PSD3: variants seen among roughly 807,000 people sequenced by gnomAD.
PSD3 encodes pleckstrin and Sec7 domain containing 3, also known as PH and SEC7 domain-containing protein 3.
In PSD3, 49 loss-of-function variants were observed where a neutral mutation model predicts 105.5. The ratio of observed to expected loss-of-function variants is 0.46; its 90% CI spans 0.37 to 0.59. The LOEUF (loss-of-function observed/expected upper bound fraction) is 0.59, where lower values mean the gene tolerates loss of function less well. Among genes scored for constraint, PSD3 ranks in the 20% least tolerant of loss-of-function variants. PSD3 has a pLI of 0.00. For synonymous variants in PSD3, 557 were observed against 457.8 expected, an observed-to-expected ratio of 1.22 and a Z score of -2.77; for missense variants, 1,561 against 1,263.8, an observed-to-expected ratio of 1.24 and a Z score of -3.57.
chr8:18,616,594 G>C (rs1355234641), intron 11 of PSD3, among the ~76,000 whole-genome samples: 1 of 149,756 alleles, frequency 6.7e-6, no homozygotes, highest in Non-Finnish European at 1.5e-5. Context: ...GAACACCTTT[G>C]CTAGCCAGGC....
chr8:18,573,472 A>G (rs1802275680), intron 13 of PSD3, among the ~76,000 whole-genome samples: 1 of 152,198 alleles, frequency 6.6e-6, no homozygotes, highest in African/African-American at 2.4e-5. Flanking sequence ...CTCCATCTCA[A>G]AAGAAAACAT....
intron 8 of PSD3, among the ~76,000 whole-genome samples, chr8:18,773,572 AT>A (rs1807751603): frequency 6.6e-6 from 1 of 151,972 alleles, no homozygotes. Flanking sequence ...GTATAGTATA[AT>A]ATATAAAAAA....
At chr8:18,661,976 T>C (rs533809680) in intron 9 of PSD3, among the ~76,000 whole-genome samples, 5 of 151,606 alleles carry the variant, frequency 3.3e-5, no homozygotes, top group East Asian at 1.9e-4. Context: ...TTTAGGGTAA[T>C]AGAACATGCT....
At chr8:18,785,090 G>T (rs144930983) in intron 8 of PSD3, among the ~76,000 whole-genome samples, 1 of 152,094 alleles carries the variant, frequency 6.6e-6, no homozygotes, top group Non-Finnish European at 1.5e-5. Flanking sequence ...TTCATCCAAG[G>T]CATCTAGGAA....
chr8:18,818,091 C>T (rs983398345), intron 4 of PSD3, among the ~76,000 whole-genome samples: 1 of 152,074 alleles, frequency 6.6e-6, no homozygotes, highest in Non-Finnish European at 1.5e-5. Context: ...GCAGCTGGGA[C>T]TACAGGCACC....
At chr8:18,573,863 G>T (rs1236187877) in intron 13 of PSD3, among the ~76,000 whole-genome samples, 1 of 152,106 alleles carries the variant, frequency 6.6e-6, no homozygotes, top group Admixed American at 6.6e-5. Flanking sequence ...ACTAGATTGT[G>T]GTGATGGCTG....
chr8:19,021,216 A>T (rs1827351623), intron 1 of PSD3, among the ~76,000 whole-genome samples: 1 of 152,226 alleles, frequency 6.6e-6, no homozygotes, highest in Non-Finnish European at 1.5e-5. Context: ...ATATGTTCAG[A>T]TTATTTTTAC....
intron 9 of PSD3, among the ~76,000 whole-genome samples, chr8:18,726,389 C>T (rs1356839877): frequency 1.3e-5 from 2 of 152,170 alleles, no homozygotes; most frequent in African/African-American, 4.8e-5. Context: ...AGGAACATAG[C>T]TGCTTAAAAG....
chr8:19,020,521 A>C (rs553975375), intron 1 of PSD3, among the ~76,000 whole-genome samples: 3 of 152,198 alleles, frequency 2.0e-5, no homozygotes, highest in Admixed American at 2.0e-4. Flanking sequence ...GGGACCTTAT[A>C]GGTTGTTGTA....
chr8:18,934,594 G>C (rs912493937), intron 2 of PSD3, among the ~76,000 whole-genome samples: 11 of 152,016 alleles, frequency 7.2e-5, no homozygotes, highest in African/African-American at 2.7e-4. Flanking sequence ...TTTTAGTAGA[G>C]ATGGGACATG....
At chr8:18,678,680 G>A (rs886502528) in intron 9 of PSD3, among the ~76,000 whole-genome samples, 31 of 92,804 alleles carry the variant, frequency 3.3e-4, no homozygotes, top group Admixed American at 5.2e-4. Flanking sequence ...ACGTGGTGGC[G>A]CATGCCTGTA....
intron 9 of PSD3, among the ~76,000 whole-genome samples, chr8:18,752,484 A>T (rs1805576371): frequency 6.4e-5 from 1 of 15,638 alleles, no homozygotes; most frequent in African/African-American, 1.6e-4. Flanking sequence ...ATATATTATT[A>T]TATATATAAT....
At chr8:18,592,496 G>T (rs1386938561) in intron 12 of PSD3, among the ~76,000 whole-genome samples, 1 of 152,158 alleles carries the variant, frequency 6.6e-6, no homozygotes, top group Non-Finnish European at 1.5e-5. Flanking sequence ...CAGACATCCA[G>T]ATTCGAGAAG....
At chr8:18,557,702 G>T (rs112892028) in intron 14 of PSD3, among the ~76,000 whole-genome samples, 16 of 152,158 alleles carry the variant, frequency 1.1e-4, no homozygotes, top group African/African-American at 3.4e-4. Context: ...AGAAAAGGAC[G>T]AAGGAGAAAA....
chr8:18,683,700 C>T (rs1249291127), intron 9 of PSD3: 3 of 723,630 alleles, frequency 4.1e-6, no homozygotes, highest in Admixed American at 1.8e-5. Context: ...GCACATTAGA[C>T]ACTGCCAAAG....
intron 11 of PSD3, among the ~76,000 whole-genome samples, chr8:18,621,148 C>A (rs1806083831): frequency 6.6e-6 from 1 of 152,210 alleles, no homozygotes; most frequent in African/African-American, 2.4e-5. Flanking sequence ...TGGCTCACGC[C>A]TGCAATCCCA....
chr8:18,931,848 G>A (rs1003111866), intron 2 of PSD3, among the ~76,000 whole-genome samples: 2 of 152,120 alleles, frequency 1.3e-5, no homozygotes, highest in African/African-American at 4.8e-5. Context: ...AAGGGAGTGG[G>A]GTGATGTGAC....
intron 14 of PSD3, among the ~76,000 whole-genome samples, chr8:18,567,372 G>C (rs1000210971): frequency 6.6e-6 from 1 of 151,980 alleles, no homozygotes; most frequent in Non-Finnish European, 1.5e-5. Context: ...TGCTGCTTAT[G>C]TTAAGTATGC....
At chr8:18,859,397 G>A (rs1425416159) in intron 4 of PSD3, among the ~76,000 whole-genome samples, 2 of 152,036 alleles carry the variant, frequency 1.3e-5, no homozygotes, top group African/African-American at 2.4e-5. Context: ...TTTTGAGAAG[G>A]GAAAATGAGC....
Sources: allele counts gnomAD v4.1 joint callset (sites outside exome capture counted in the v4.1 genomes callset), GRCh38; gene constraint gnomAD v4.1.1; transcripts MANE v1.5; gene names NCBI Gene and HGNC (gene_info 2026-07-23, HGNC 2026-07-21).